POT1: variants seen among roughly 807,000 people sequenced by gnomAD.
POT1 encodes the protein protection of telomeres 1, also known as protection of telomeres protein 1.
POT1 carries 47 observed loss-of-function variants against 78.5 expected under a neutral mutation model. The observed-to-expected ratio is 0.60, with a 90% CI of 0.47 to 0.76. The LOEUF (loss-of-function observed/expected upper bound fraction) is 0.76, where lower values mean the gene tolerates loss of function less well. Among genes scored for constraint, POT1 ranks in the 30% least tolerant of loss-of-function variants. The pLI, the probability that POT1 is intolerant of heterozygous loss-of-function variation, is 0.00. For missense variants in POT1, 646 were observed against 749.9 expected, an observed-to-expected ratio of 0.86 and a Z score of 1.62; for synonymous variants, 259 against 260.7, an observed-to-expected ratio of 0.99 and a Z score of 0.06.
intron 2 of POT1, among the ~76,000 whole-genome samples, chr7:124,922,112 A>C (rs189001667): frequency 2.0e-5 from 3 of 152,120 alleles, no homozygotes; most frequent in African/African-American, 7.2e-5. Flanking sequence ...TATAGTCCTA[A>C]AAGAAAAAAA....
rs774829313 is a variant in POT1 at position 124,859,840 on chromosome 7, GA to G, written c.547-729del. Among the ~76,000 whole-genome samples the G allele has an allele frequency of 9.0e-3, 1,295 of 144,592 alleles. 15 individuals carry two copies. The highest frequency in any genetic ancestry group is 0.019 in the African/African-American group (738 of 39,430). The allele number at this position is 144,592 out of a possible 152,430, so 94.9% of individuals were successfully genotyped here. On this transcript the variant is annotated intron_variant, in intron 8 of 18. Coordinates refer to ENST00000357628, the MANE Select transcript of POT1 (RefSeq NM_015450.3). ...AAACTCAATTTGAGAGTATTGCTCAGAAAAAAAAAACATATAATATTAACAG... is the reference window on the plus strand; with the variant it reads ...AAACTCAATTTGAGAGTATTGCTCAGAAAAAAAAACATATAATATTAACAG...
intron 15 of POT1, among the ~76,000 whole-genome samples, chr7:124,834,815 T>C (rs1584752872): frequency 6.6e-6 from 1 of 152,266 alleles, no homozygotes. Flanking sequence ...TGCAGCACTA[T>C]TCACAATAGC....
At chr7:124,913,215 G>C (rs1469384885) in intron 3 of POT1, among the ~76,000 whole-genome samples, 1 of 152,160 alleles carries the variant, frequency 6.6e-6, no homozygotes, top group Non-Finnish European at 1.5e-5. Flanking sequence ...TACAATTCAA[G>C]ATGAGATGTG....
chr7:124,835,108 G>A (rs1794858693), intron 15 of POT1, among the ~76,000 whole-genome samples, 171 bp downstream of exon 15: 1 of 152,180 alleles, frequency 6.6e-6, no homozygotes, highest in Non-Finnish European at 1.5e-5. Flanking sequence ...TGGGAGGCTA[G>A]GGGAAGGACA....
In POT1 at chr7:124,829,395, TTGTTA is replaced by T. The variant is rs1351058741; in HGVS notation, c.1506-58_1506-54del. ...AATATTTAAAAATAATTTAGCTTGT[TTGTTA>T]TAACTTTTTACTGCTCAAACATGTG... On this transcript the variant is annotated intron_variant, in intron 15 of 18. Transcript: ENST00000357628. 13 of 1,193,278 alleles carry T rather than the reference TTGTTA, an allele frequency of 1.1e-5. 1 individual carries two copies. The highest frequency in any genetic ancestry group is 4.9e-4 in the Middle Eastern group (2 of 4,054). 73.9% of individuals were successfully genotyped at this position (1,193,278 alleles called of 1,614,324 possible).
At chr7:124,856,250 T>A (rs970928569) in intron 9 of POT1, among the ~76,000 whole-genome samples, 5 of 152,200 alleles carry the variant, frequency 3.3e-5, no homozygotes, top group Non-Finnish European at 7.4e-5. Flanking sequence ...TATATCAATG[T>A]CACGTGAGTG....
At chr7:124,903,895 C>T (rs930949459) in intron 3 of POT1, among the ~76,000 whole-genome samples, 8 of 152,238 alleles carry the variant, frequency 5.3e-5, no homozygotes, top group East Asian at 1.9e-4. Context: ...AACACTTCTA[C>T]GCAAATAAAC....
At chr7:124,845,603 G>T (rs1030705124) in intron 12 of POT1, among the ~76,000 whole-genome samples, 6 of 152,018 alleles carry the variant, frequency 3.9e-5, no homozygotes, top group Non-Finnish European at 2.9e-5. Context: ...TATTTAACAA[G>T]AATATACTAG....
chr7:124,835,239 T>A (rs777635991), intron 15 of POT1, 40 bp downstream of exon 15: 3 of 1,232,102 alleles, frequency 2.4e-6, no homozygotes, highest in Admixed American at 2.0e-5. Flanking sequence ...CTTAAAAGTA[T>A]AATAAACAAA....
chr7:124,921,846 G>T (rs1297000185), intron 2 of POT1, among the ~76,000 whole-genome samples: 1 of 151,870 alleles, frequency 6.6e-6, no homozygotes, highest in East Asian at 1.9e-4. Flanking sequence ...CCAAAAAAGA[G>T]AAAAGGGTAA....
chr7:124,859,461 G>A (rs1183239755), intron 8 of POT1, among the ~76,000 whole-genome samples: 2 of 151,902 alleles, frequency 1.3e-5, no homozygotes, highest in African/African-American at 2.4e-5. Flanking sequence ...GTAAAATTAT[G>A]AATGCTCTAA....
intron 3 of POT1, among the ~76,000 whole-genome samples, chr7:124,904,045 G>T (rs957102048): frequency 6.6e-6 from 1 of 152,110 alleles, no homozygotes; most frequent in Non-Finnish European, 1.5e-5. Flanking sequence ...ACCAAAAAAA[G>T]TCCAGGACCA....
intron 12 of POT1, among the ~76,000 whole-genome samples, chr7:124,843,532 G>A (rs1200578247): frequency 6.6e-6 from 1 of 151,882 alleles, no homozygotes; most frequent in African/African-American, 2.4e-5. Context: ...GGAGGGAGAG[G>A]AAAAATAAGA....
chr7:124,920,940 T>A (rs1288848765), intron 2 of POT1, among the ~76,000 whole-genome samples: 1 of 151,764 alleles, frequency 6.6e-6, no homozygotes. Context: ...AAAAAAAAAT[T>A]TTTTTAATTA....
At chr7:124,845,429 T>A (rs567352453) in intron 12 of POT1, among the ~76,000 whole-genome samples, 1 of 152,318 alleles carries the variant, frequency 6.6e-6, no homozygotes, top group African/African-American at 2.4e-5. Context: ...AGCTTATGCA[T>A]TTTTGGCAGG....
At chr7:124,854,893 A>G (rs1454976452) in intron 9 of POT1, among the ~76,000 whole-genome samples, 2 of 151,876 alleles carry the variant, frequency 1.3e-5, no homozygotes, top group African/African-American at 4.8e-5. Context: ...ATATTAGTAT[A>G]GCACATGTAT....
At chr7:124,869,579 T>TTTTA (rs1178373586) in intron 7 of POT1, among the ~76,000 whole-genome samples, 12 of 152,206 alleles carry the variant, frequency 7.9e-5, no homozygotes, top group Admixed American at 1.3e-4. Flanking sequence ...TAATATTTCT[T>TTTTA]TTTATTTATT....
At chr7:124,843,020 T>G (rs974123574) in intron 12 of POT1, 57 bp from the exon 13 acceptor site, 25 of 1,233,962 alleles carry the variant, frequency 2.0e-5, no homozygotes, top group Non-Finnish European at 2.7e-5. Context: ...ATGACATGCA[T>G]CCTCCTGAAC....
At chr7:124,877,042 T>C (rs777644361) in intron 6 of POT1, among the ~76,000 whole-genome samples, 17 of 152,184 alleles carry the variant, frequency 1.1e-4, no homozygotes, top group South Asian at 2.1e-4. Context: ...AAAGGGCCCA[T>C]TGAAGGCAAA....
Sources: gnomAD v4.1 joint callset for allele counts (sites outside exome capture counted in the v4.1 genomes callset) on GRCh38, gnomAD v4.1.1 for gene constraint, MANE v1.5 for transcripts, NCBI Gene and HGNC (gene_info 2026-07-23, HGNC 2026-07-21) for gene names.